Variants in TOGARAM2 observed in about 807,000 individuals in gnomAD.
The protein encoded by TOGARAM2 is TOG array regulator of axonemal microtubules 2.
Under a neutral mutation model 93.3 loss-of-function variants are expected in TOGARAM2, and 85 were observed. That is an observed-to-expected ratio of 0.91 (90% CI 0.76 to 1.09). The LOEUF (loss-of-function observed/expected upper bound fraction) is 1.09. Among genes scored for constraint, TOGARAM2 ranks in the 50% least tolerant of loss-of-function variants. The pLI is 0.00. For synonymous variants in TOGARAM2, 593 were observed against 552.8 expected (o/e 1.07, Z -1.02); for missense variants, 1,277 against 1,334.5 (o/e 0.96, Z 0.67).
intron 2 of TOGARAM2, 128 bp from the exon 3 acceptor site, chr2:28,998,015 C>T (rs1673079791): frequency 7.0e-6 from 4 of 572,698 alleles, no homozygotes; most frequent in African/African-American, 3.9e-5. Context: ...CCACCACATG[C>T]CTTGGTTTTT....
intron 16 of TOGARAM2, among the ~76,000 whole-genome samples, chr2:29,034,480 C>T (rs1665962825): frequency 6.6e-6 from 1 of 152,224 alleles, no homozygotes. Context: ...GTGCTCTCAT[C>T]TCACGGTTCT....
At chr2:28,984,076 A>C (rs1672353817) in intron 1 of TOGARAM2, among the ~76,000 whole-genome samples, 1 of 151,478 alleles carries the variant, frequency 6.6e-6, no homozygotes, top group Non-Finnish European at 1.5e-5. Flanking sequence ...TTCTTGGAGA[A>C]CCAATCACTA....
At chr2:28,970,513 G>T (rs1412098345) in intron 1 of TOGARAM2, among the ~76,000 whole-genome samples, 1 of 152,208 alleles carries the variant, frequency 6.6e-6, no homozygotes. Context: ...GCTCTCTGGG[G>T]CTTGTCTTTG....
At chr2:28,998,805 G>C (rs1438789530) in intron 3 of TOGARAM2, among the ~76,000 whole-genome samples, 1 of 152,128 alleles carries the variant, frequency 6.6e-6, no homozygotes, top group African/African-American at 2.4e-5. Context: ...GTTCCTCCTT[G>C]TAGTCTGTGC....
At chr2:29,034,217 G>C (rs1169139778) in intron 16 of TOGARAM2, among the ~76,000 whole-genome samples, 2 of 152,160 alleles carry the variant, frequency 1.3e-5, no homozygotes, top group Non-Finnish European at 2.9e-5. Context: ...CAAAACATGA[G>C]AGCAGCTGGT....
At chr2:28,958,391 G>A (rs900613328) in intron 1 of TOGARAM2, among the ~76,000 whole-genome samples, 7 of 151,210 alleles carry the variant, frequency 4.6e-5, no homozygotes, top group Admixed American at 2.0e-4. Flanking sequence ...CTGCAGCCTC[G>A]GACTCCCAGG....
intron 10 of TOGARAM2, among the ~76,000 whole-genome samples, chr2:29,020,154 A>G (rs2148341443): frequency 6.6e-6 from 1 of 152,310 alleles, no homozygotes; most frequent in Admixed American, 6.5e-5. Context: ...CAAATGGATC[A>G]GGGGCTCTAG....
chr2:29,006,090 TGTGG>T (rs1415992653), intron 6 of TOGARAM2, among the ~76,000 whole-genome samples: 7 of 80,472 alleles, frequency 8.7e-5, no homozygotes, highest in East Asian at 1.0e-3. Flanking sequence ...CGTGTGTGTG[TGTGG>T]GGTGCATGTG....
At chr2:29,039,152 G>A (rs1389915295) in intron 18 of TOGARAM2, among the ~76,000 whole-genome samples, 1 of 152,190 alleles carries the variant, frequency 6.6e-6, no homozygotes, top group South Asian at 2.1e-4. Flanking sequence ...GAGCCTGGTG[G>A]TTCTAGTGGT....
upstream of TOGARAM2, among the ~76,000 whole-genome samples, chr2:28,979,287 A>G (rs1376738760): frequency 1.3e-5 from 2 of 152,210 alleles, no homozygotes; most frequent in African/African-American, 4.8e-5. Context: ...CTCTCTGTCC[A>G]TGGTCACAGT....
At chr2:29,033,656 C>A in intron 16 of TOGARAM2, 93 bp downstream of exon 16, 1 of 1,165,778 alleles carries the variant, frequency 8.6e-7, no homozygotes, top group Non-Finnish European at 1.2e-6. Flanking sequence ...CTGGGGTGGA[C>A]ATATGGATCT....
At chr2:29,027,999 A>G (rs1204651869) in intron 14 of TOGARAM2, among the ~76,000 whole-genome samples, 2 of 152,152 alleles carry the variant, frequency 1.3e-5, no homozygotes, top group Non-Finnish European at 2.9e-5. Flanking sequence ...TGTGATTGGA[A>G]GTCATTGGAG....
At position 29,017,863 on chromosome 2, in the gene TOGARAM2, G is replaced by A. The variant is rs780391961; in HGVS notation, c.1267G>A (p.Val423Ile). ...TRLSGPCRND[V>I]SIILRKWASR... ...GCTGAGCGGCCCATGCAGAAACGAC[G>A]TCAGCATCATCCTGAGGAAGTGGGC... Residue 423 changes from valine (V) to isoleucine (I), a missense_variant, in exon 10 of 20, where the codon GTC becomes ATC. Coordinates refer to ENST00000379558, the MANE Select transcript of TOGARAM2 (RefSeq NM_199280.4). 12 of 1,613,408 alleles carry A rather than the reference G, an allele frequency of 7.4e-6. No homozygotes were observed. The highest frequency in any genetic ancestry group is 4.5e-5 in the East Asian group (2 of 44,862).
chr2:28,967,798 C>CTT (rs11417570), intron 1 of TOGARAM2, among the ~76,000 whole-genome samples: 1,187 of 78,528 alleles, frequency 0.015, 113 homozygotes, highest in Middle Eastern at 0.037. Flanking sequence ...ATAAGATGGT[C>CTT]TTTTTTTTTT....
At chr2:28,959,211 T>G (rs1027033852) in intron 1 of TOGARAM2, among the ~76,000 whole-genome samples, 4 of 152,206 alleles carry the variant, frequency 2.6e-5, no homozygotes, top group Admixed American at 1.3e-4. Flanking sequence ...CTCTTTAGTC[T>G]GACACAGTTG....
chr2:28,992,313 C>T (rs1054982583), intron 1 of TOGARAM2, among the ~76,000 whole-genome samples: 3 of 152,096 alleles, frequency 2.0e-5, no homozygotes, highest in South Asian at 2.1e-4. Flanking sequence ...TCCTCTTGGG[C>T]GGGCACCTAG....
upstream of TOGARAM2, among the ~76,000 whole-genome samples, chr2:28,979,463 A>G (rs1427521107): frequency 6.6e-6 from 1 of 152,170 alleles, no homozygotes; most frequent in African/African-American, 2.4e-5. Flanking sequence ...TCCAGTCTGG[A>G]ATCCAGGGGC....
chr2:29,046,382 A>G lies in TOGARAM2; in HGVS notation c.2722+972A>G, dbSNP rs2148398403. On this transcript the variant is annotated intron_variant, in intron 19 of 19. Coordinates refer to ENST00000379558, the MANE Select transcript of TOGARAM2 (RefSeq NM_199280.4). ...TGGTTTCATGATCATTTTTGCTTGC[A>G]CAAAGCCTCCTCCCCTGCCTTGGGA... 3 of 152,376 alleles carry G rather than the reference A, an allele frequency of 2.0e-5. No individual in the cohort carries two copies. In the South Asian group the frequency reaches 6.2e-4, roughly 32 times the overall value. 9.4% of individuals were successfully genotyped at this position (152,376 alleles called of 1,614,324 possible).
At chr2:28,973,489 C>T (rs1036971408) in intron 1 of TOGARAM2, among the ~76,000 whole-genome samples, 9 of 132,106 alleles carry the variant, frequency 6.8e-5, no homozygotes, top group Admixed American at 4.6e-4. Context: ...CTCCCTCCTT[C>T]GTTCTTCTCC....
Sources: gnomAD v4.1 joint callset for allele counts (sites outside exome capture counted in the v4.1 genomes callset) on GRCh38, gnomAD v4.1.1 for gene constraint, MANE v1.5 for transcripts, NCBI Gene and HGNC (gene_info 2026-07-23, HGNC 2026-07-21) for gene names.